Variants in USP50 observed in about 807,000 individuals in gnomAD.
The protein encoded by USP50 is ubiquitin carboxyl-terminal hydrolase 50.
USP50 carries 37 observed loss-of-function variants against 39.2 expected under a neutral mutation model. The observed-to-expected ratio is 0.94, with a 90% confidence interval of 0.73 to 1.24. USP50 has a LOEUF of 1.24. Among genes scored for constraint, USP50 ranks in the 50% most tolerant of loss-of-function variants. The pLI is 0.00. For missense variants in USP50, 374 were observed against 398.2 expected, an observed-to-expected ratio of 0.94 and a Z score of 0.52; for synonymous variants, 139 against 144.5, an observed-to-expected ratio of 0.96 and a Z score of 0.27.
intron 6 of USP50, among the ~76,000 whole-genome samples, chr15:50,514,994 TAA>T (rs386382963): frequency 8.0e-5 from 6 of 74,614 alleles, no homozygotes; most frequent in Admixed American, 1.7e-4. Flanking sequence ...AGACACAGTC[TAA>T]AAAAAAAAAA....
At chr15:50,513,371 A>G (rs1263815571) in intron 6 of USP50, 1 of 152,180 alleles carries the variant, frequency 6.6e-6, no homozygotes, top group East Asian at 1.9e-4. Flanking sequence ...AATTATAACC[A>G]CATGCAACAA....
chr15:50,531,258 T>C (rs1193577395), intron 5 of USP50, among the ~76,000 whole-genome samples: 1 of 152,202 alleles, frequency 6.6e-6, no homozygotes, highest in Non-Finnish European at 1.5e-5. Context: ...CATAACAAGC[T>C]ATCTGCTAGT....
At chr15:50,522,781 G>T (rs1446409890) in intron 6 of USP50, among the ~76,000 whole-genome samples, 1 of 152,146 alleles carries the variant, frequency 6.6e-6, no homozygotes, top group Non-Finnish European at 1.5e-5. Flanking sequence ...GAGTAGCTGG[G>T]ACTACAGGTG....
At chr15:50,542,198 G>T (rs2053034942) in intron 3 of USP50, among the ~76,000 whole-genome samples, 1 of 152,148 alleles carries the variant, frequency 6.6e-6, no homozygotes, top group African/African-American at 2.4e-5. Flanking sequence ...AGCCTCAGTG[G>T]AATATACATT....
intron 1 of USP50, among the ~76,000 whole-genome samples, chr15:50,494,889 C>T (rs2052314992): frequency 6.6e-6 from 1 of 152,030 alleles, no homozygotes; most frequent in Non-Finnish European, 1.5e-5. Context: ...GTGGCATGTG[C>T]CTGTAATCCC....
chr15:50,508,508 T>C (rs1308573046), intron 6 of USP50: 1 of 152,174 alleles, frequency 6.6e-6, no homozygotes, highest in East Asian at 1.9e-4. Flanking sequence ...TAGTTTTAAA[T>C]ACTTATATCT....
intron 6 of USP50, among the ~76,000 whole-genome samples, chr15:50,525,683 T>TTATATATGTATATGTATATATATG (rs2052890024): frequency 7.8e-6 from 1 of 128,694 alleles, no homozygotes; most frequent in Non-Finnish European, 1.6e-5. Flanking sequence ...TATATGTATA[T>TTATATATGTATATGTATATATATG]TATATATGTA....
chr15:50,523,451 G>A (rs2052866854), intron 6 of USP50, among the ~76,000 whole-genome samples: 3 of 151,998 alleles, frequency 2.0e-5, no homozygotes, highest in East Asian at 1.9e-4. Flanking sequence ...GGGATTACAG[G>A]TATAAGCCAC....
intron 5 of USP50, 76 bp downstream of exon 5, chr15:50,538,633 G>C: frequency 1.4e-6 from 2 of 1,404,908 alleles, no homozygotes. Context: ...CTAAATGGGT[G>C]AATTATTGGC....
chr15:50,527,503 G>A lies in USP50; in HGVS notation c.936+2294C>T, dbSNP rs536076277. 1.6e-3 allele frequency among the ~76,000 whole-genome samples: 243 copies of A among 151,628 alleles called. 1 individual carries two copies. The highest frequency in any genetic ancestry group is 3.1e-3 in the African/African-American group (130 of 41,340). ...ATTACAGGTGTAAGCCACCATGCCC[G>A]GCCTGAGATTCTTTATTTCTAACAA... On this transcript the variant is annotated intron_variant, in intron 6 of 6. Coordinates refer to ENST00000532404, the MANE Select transcript of USP50 (RefSeq NM_203494.5).
intron 6 of USP50, among the ~76,000 whole-genome samples, chr15:50,517,762 A>G (rs1400639027): frequency 2.6e-5 from 4 of 152,226 alleles, no homozygotes; most frequent in African/African-American, 4.8e-5. Context: ...ACTGTCACCC[A>G]GGCTGGAGTA....
chr15:50,546,460 G>C lies in USP50; in HGVS notation c.53+13C>G. On this transcript the variant is annotated intron_variant, in intron 1 of 6. Transcript: ENST00000532404. The stretch of plus-strand genomic sequence containing the variant: ...TGGGCTAATCTAGAAAGCTGTAGTA[G>C]ATCAAGGCTCACAGGACGTGGTAGA... 6 of 1,613,326 alleles carry C rather than the reference G, an allele frequency of 3.7e-6. No homozygotes were observed. Among genetic ancestry groups the C allele is most frequent in the Non-Finnish European group, 4.2e-6 (5 of 1,179,410 alleles).
chr15:50,501,193 C>T, intron 6 of USP50: 1 of 215,276 alleles, frequency 4.6e-6, no homozygotes, highest in Non-Finnish European at 9.6e-6. Flanking sequence ...GGCACAGTGG[C>T]TCACACCTGT....
intron 6 of USP50, among the ~76,000 whole-genome samples, chr15:50,518,801 C>T (rs3098187): frequency 0.97 from 148,114 of 152,282 alleles, 72,179 homozygotes; most frequent in East Asian, 1. Flanking sequence ...AATTGAAAAA[C>T]AGACAAATGG....
At chr15:50,505,210 T>A (rs1356036699) in intron 6 of USP50, 1 of 151,946 alleles carries the variant, frequency 6.6e-6, no homozygotes, top group Non-Finnish European at 1.5e-5. Flanking sequence ...ATTTAGGAAA[T>A]GCAGCGAGCC....
chr15:50,534,294 A>T (rs977068058), intron 5 of USP50, among the ~76,000 whole-genome samples: 2 of 152,210 alleles, frequency 1.3e-5, no homozygotes, highest in Admixed American at 1.3e-4. Flanking sequence ...GTGGACCAGG[A>T]TTAGTTGTAA....
At chr15:50,504,817 A>C (rs889730081) in intron 6 of USP50, 4 of 107,048 alleles carry the variant, frequency 3.7e-5, no homozygotes, top group Admixed American at 1.1e-4. Context: ...GTCTCTATTA[A>C]AAAAAACAAA....
chr15:50,545,861 G>A (rs1191069946), intron 1 of USP50, among the ~76,000 whole-genome samples: 1 of 151,734 alleles, frequency 6.6e-6, no homozygotes, highest in Non-Finnish European at 1.5e-5. Context: ...TGATAGGATG[G>A]TTGTGAGGAT....
chr15:50,546,067 C>T (rs1008563921), intron 1 of USP50, among the ~76,000 whole-genome samples: 5 of 151,806 alleles, frequency 3.3e-5, no homozygotes, highest in African/African-American at 1.2e-4. Context: ...CACAGAGCTT[C>T]CTCTTACAAT....
Sources: allele counts gnomAD v4.1 joint callset (sites outside exome capture counted in the v4.1 genomes callset), GRCh38; gene constraint gnomAD v4.1.1; transcripts MANE v1.5; gene names NCBI Gene and HGNC (gene_info 2026-07-23, HGNC 2026-07-21).